Variants in KIAA1671 observed in about 807,000 individuals in gnomAD.
The protein encoded by KIAA1671 is KIAA1671, also known as uncharacterized protein KIAA1671.
In KIAA1671, 52 loss-of-function variants were observed where a neutral mutation model predicts 131.2. The ratio of observed to expected loss-of-function variants is 0.40; its 90% CI spans 0.32 to 0.50. The LOEUF is 0.50. Ranked by LOEUF, KIAA1671 falls within the 20% of genes least tolerant of loss-of-function variation. The probability of loss-of-function intolerance (pLI) is 0.73; values close to 1 mark genes in which losing one functional copy is unlikely to be tolerated. For missense variants in KIAA1671, 2,360 were observed against 2,364.2 expected, an observed-to-expected ratio of 1.00 and a Z score of 0.04; for synonymous variants, 1,003 against 961.6, an observed-to-expected ratio of 1.04 and a Z score of -0.80.
At chr22:25,104,689 A>G (rs1930897250) in intron 6 of KIAA1671, among the ~76,000 whole-genome samples, 1 of 151,910 alleles carries the variant, frequency 6.6e-6, no homozygotes, top group African/African-American at 2.4e-5. Context: ...CACCCTCCCT[A>G]TTATGTTCCC....
chr22:25,122,261 G>A (rs957984180), intron 6 of KIAA1671, among the ~76,000 whole-genome samples: 2 of 152,066 alleles, frequency 1.3e-5, no homozygotes, highest in Non-Finnish European at 2.9e-5. Flanking sequence ...AATCAGACAC[G>A]CTTACCAGTG....
At chr22:24,963,709 G>A (rs1304443181) in intron 1 of KIAA1671, among the ~76,000 whole-genome samples, 1 of 152,018 alleles carries the variant, frequency 6.6e-6, no homozygotes, top group Admixed American at 6.6e-5. Context: ...GGGAGGATGA[G>A]GCGGGCAGAT....
intron 6 of KIAA1671, among the ~76,000 whole-genome samples, chr22:25,092,643 C>A (rs1930078982): frequency 6.6e-6 from 1 of 151,946 alleles, no homozygotes; most frequent in South Asian, 2.1e-4. Flanking sequence ...GGATGGGAAG[C>A]AAGGAGAAGT....
intron 6 of KIAA1671, among the ~76,000 whole-genome samples, chr22:25,104,439 A>G (rs189501623): frequency 1.3e-5 from 2 of 152,210 alleles, no homozygotes; most frequent in Non-Finnish European, 2.9e-5. Context: ...GAGGTGGGAG[A>G]GGAGGGGAAG....
At chr22:25,080,587 C>T (rs1438835936) in intron 6 of KIAA1671, among the ~76,000 whole-genome samples, 1 of 152,166 alleles carries the variant, frequency 6.6e-6, no homozygotes, top group Non-Finnish European at 1.5e-5. Flanking sequence ...CTGGCTCTGT[C>T]ACCCAGGTTG....
At chr22:25,142,319 G>T (rs1355966113) in intron 6 of KIAA1671, among the ~76,000 whole-genome samples, 1 of 152,184 alleles carries the variant, frequency 6.6e-6, no homozygotes, top group Non-Finnish European at 1.5e-5. Context: ...AAAATCAGCA[G>T]TCTGCACAAC....
chr22:25,003,577 A>G (rs927659384), intron 1 of KIAA1671, among the ~76,000 whole-genome samples: 4 of 151,716 alleles, frequency 2.6e-5, no homozygotes, highest in Non-Finnish European at 5.9e-5. Context: ...ACGCCTGGCT[A>G]ATTTTTTTGT....
At chr22:25,055,196 G>A (rs1330754693) in intron 6 of KIAA1671, 1 of 149,756 alleles carries the variant, frequency 6.7e-6, no homozygotes, top group Non-Finnish European at 1.5e-5. Flanking sequence ...AAAAGGAGGG[G>A]AGGAACATTT....
chr22:25,028,870 T>G lies in KIAA1671; in HGVS notation c.871T>G (p.Phe291Val). ...CTTGTCCATGGACCTCACGGCCCGG[T>G]TTGAGAACAAAGAGGCCTTGCTGAG... Reference protein sequence around the residue: ...RPLSMDLTARFENKEALLRKV... With the variant: ...RPLSMDLTARVENKEALLRKV... Residue 291 changes from phenylalanine (F) to valine (V), a missense_variant, in exon 3 of 13, where the codon TTT becomes GTT. Physicochemically the swap from Phe to Val is conservative, Grantham distance 50. Coordinates refer to ENST00000358431, the MANE Select transcript of KIAA1671 (RefSeq NM_001145206.2). The G allele has an allele frequency of 6.4e-7, 1 of 1,550,480 alleles. No homozygotes were observed.
At chr22:25,021,696 T>C (rs932415056) in intron 1 of KIAA1671, among the ~76,000 whole-genome samples, 5 of 152,238 alleles carry the variant, frequency 3.3e-5, no homozygotes, top group East Asian at 1.9e-4. Context: ...GACATTTTGA[T>C]TGGGGCCCTT....
chr22:24,963,869 G>A (rs1315541276), intron 1 of KIAA1671, among the ~76,000 whole-genome samples: 1 of 151,584 alleles, frequency 6.6e-6, no homozygotes, highest in Non-Finnish European at 1.5e-5. Context: ...GAACCTGGGA[G>A]GCGGAGCTTG....
At chr22:24,962,178 G>A (rs1922052217) in intron 1 of KIAA1671, among the ~76,000 whole-genome samples, 2 of 152,164 alleles carry the variant, frequency 1.3e-5, no homozygotes, top group Non-Finnish European at 2.9e-5. Context: ...GTGAGAGAAC[G>A]CAGCGACGCC....
intron 1 of KIAA1671, among the ~76,000 whole-genome samples, chr22:25,021,596 A>G (rs1925671299): frequency 6.7e-6 from 1 of 150,208 alleles, no homozygotes; most frequent in South Asian, 2.1e-4. Context: ...TAGATGCTTG[A>G]TAATTGTGTA....
chr22:25,068,121 G>A (rs926747622), intron 6 of KIAA1671, among the ~76,000 whole-genome samples: 20 of 149,048 alleles, frequency 1.3e-4, no homozygotes, highest in African/African-American at 4.8e-4. Flanking sequence ...AGCAGGGCTG[G>A]CTTTTCAGCT....
intron 1 of KIAA1671, among the ~76,000 whole-genome samples, chr22:25,019,528 C>T (rs1243678409): frequency 1.3e-5 from 2 of 151,760 alleles, no homozygotes; most frequent in African/African-American, 4.8e-5. Context: ...AAAAAAATTG[C>T]ACAAACAACA....
At chr22:25,135,217 G>A (rs990848109) in intron 6 of KIAA1671, among the ~76,000 whole-genome samples, 4 of 152,158 alleles carry the variant, frequency 2.6e-5, no homozygotes, top group Non-Finnish European at 5.9e-5. Flanking sequence ...GATGAGTCTC[G>A]CTCTGTCACC....
chr22:25,060,817 T>C (rs1009716635), intron 6 of KIAA1671: 5 of 128,744 alleles, frequency 3.9e-5, no homozygotes, highest in Non-Finnish European at 8.1e-5. Flanking sequence ...GGAGACGGTC[T>C]ATTTTCCACA....
intron 8 of KIAA1671, chr22:25,176,530 ACT>A (rs1934033847): frequency 6.6e-6 from 1 of 152,162 alleles, no homozygotes; most frequent in Non-Finnish European, 1.5e-5. Context: ...GGAAGGAGGC[ACT>A]CTGTTTATCT....
At chr22:25,069,379 C>T (rs1928683700) in intron 6 of KIAA1671, among the ~76,000 whole-genome samples, 1 of 152,106 alleles carries the variant, frequency 6.6e-6, no homozygotes, top group African/African-American at 2.4e-5. Context: ...TTGGATTTGC[C>T]CGAGGTGTGC....
Sources: gnomAD v4.1 joint callset for allele counts (sites outside exome capture counted in the v4.1 genomes callset) on GRCh38, gnomAD v4.1.1 for gene constraint, MANE v1.5 for transcripts, NCBI Gene and HGNC (gene_info 2026-07-23, HGNC 2026-07-21) for gene names.